TEX2: variants seen among roughly 807,000 people sequenced by gnomAD.
TEX2 encodes the protein testis expressed 2, also known as testis-expressed protein 2.
In TEX2, 53 loss-of-function variants were observed where a neutral mutation model predicts 106.9. The observed-to-expected ratio is 0.50, with a 90% CI of 0.40 to 0.62. The LOEUF is 0.62. Among genes scored for constraint, TEX2 ranks in the 20% least tolerant of loss-of-function variants. The pLI, the probability that TEX2 is intolerant of heterozygous loss-of-function variation, is 0.00. For synonymous variants in TEX2, 523 were observed against 534.8 expected (o/e 0.98, Z 0.30); for missense variants, 1,207 against 1,379.0 (o/e 0.88, Z 1.98).
intron 1 of TEX2, 129 bp from the exon 2 acceptor site, chr17:64,214,371 C>G: frequency 1.3e-6 from 1 of 744,104 alleles, no homozygotes; most frequent in Non-Finnish European, 2.2e-6. Context: ...AGATGTCCAC[C>G]GTTTTTCACT....
chr17:64,250,949 C>T (rs1555636921), intron 1 of TEX2, among the ~76,000 whole-genome samples: 1 of 152,210 alleles, frequency 6.6e-6, no homozygotes, highest in African/African-American at 2.4e-5. Context: ...GCCTCAGCCT[C>T]CCAAAGTGCT....
Position 64,148,955 on chromosome 17 carries a change from T to A in TEX2, c.*14A>T, listed in dbSNP as rs903010306. ...GCTCGATGTCACAATATGGGGAACA[T>A]CTGACATCACCCATCATGGCTGATC... On this transcript the variant is annotated 3_prime_UTR_variant, in exon 12 of 12. Transcript: ENST00000584379. The A allele has an allele frequency of 7.4e-6, 12 of 1,613,838 alleles. No homozygotes were observed. The highest frequency in any genetic ancestry group is 8.5e-6 in the Non-Finnish European group (10 of 1,179,930).
chr17:64,174,453 C>G (rs943029951), intron 6 of TEX2, among the ~76,000 whole-genome samples: 4 of 152,124 alleles, frequency 2.6e-5, no homozygotes, highest in Non-Finnish European at 5.9e-5. Flanking sequence ...AACCCGAAGA[C>G]CCCAGAACAT....
intron 5 of TEX2, among the ~76,000 whole-genome samples, chr17:64,184,917 G>A (rs1275531324): frequency 6.6e-6 from 1 of 152,098 alleles, no homozygotes; most frequent in Non-Finnish European, 1.5e-5. Flanking sequence ...TGGATATATA[G>A]CTTCATTTTT....
intron 7 of TEX2, among the ~76,000 whole-genome samples, chr17:64,168,999 G>A (rs551065142): frequency 1.4e-5 from 2 of 147,846 alleles, no homozygotes; most frequent in South Asian, 2.1e-4. Flanking sequence ...GCTAGGGCCC[G>A]AGGTTACATC....
intron 1 of TEX2, among the ~76,000 whole-genome samples, chr17:64,228,782 T>A (rs575427785): frequency 3.2e-4 from 49 of 152,218 alleles, no homozygotes; most frequent in Non-Finnish European, 5.4e-4. Context: ...AGGCATTTTG[T>A]GTGCATACAA....
In TEX2 at chr17:64,149,014, G is replaced by A; in HGVS notation, c.3339C>T (p.Ser1113=). ...MHSAMDPRST[S]CLLKDPPVEA... ...CCACAGGTGGGTCTTTCAGGAGGCA[G>A]GAAGTAGAGCGAGGGTCCATGGCTG... The change falls in exon 12 of 12, where the codon TCC becomes TCT. Residue 1113 remains serine, a synonymous_variant. Coordinates refer to ENST00000584379, the MANE Select transcript of TEX2 (RefSeq NM_001288732.2). 1.2e-6 allele frequency: 2 copies of A among 1,614,250 alleles called. No individual in the cohort carries two copies. Among genetic ancestry groups the A allele is most frequent in the Non-Finnish European group, 1.7e-6 (2 of 1,180,038 alleles).
At chr17:64,160,727 T>A (rs913849844) in intron 8 of TEX2, 74 bp downstream of exon 8, 1 of 1,570,226 alleles carries the variant, frequency 6.4e-7, no homozygotes, top group African/African-American at 1.4e-5. Context: ...ACACATCAAA[T>A]CTGCTTCTCA....
intron 1 of TEX2, among the ~76,000 whole-genome samples, chr17:64,228,422 T>C (rs782561725): frequency 1.3e-5 from 2 of 152,162 alleles, no homozygotes; most frequent in Non-Finnish European, 1.5e-5. Flanking sequence ...CCTGAGCTTG[T>C]TTTCCTGCAA....
intron 2 of TEX2, among the ~76,000 whole-genome samples, chr17:64,211,513 TAAC>T (rs544152660): frequency 4.4e-4 from 67 of 152,120 alleles, no homozygotes; most frequent in African/African-American, 1.3e-3. Context: ...AAAAAAATAA[TAAC>T]AATCCAACAG....
At chr17:64,235,049 T>A (rs1457421531) in intron 1 of TEX2, among the ~76,000 whole-genome samples, 1 of 152,232 alleles carries the variant, frequency 6.6e-6, no homozygotes, top group East Asian at 1.9e-4. Context: ...AGTCCTGATC[T>A]GTGAAGATGT....
chr17:64,220,832 C>T (rs2033339135), intron 1 of TEX2, among the ~76,000 whole-genome samples: 1 of 152,072 alleles, frequency 6.6e-6, no homozygotes, highest in Admixed American at 6.6e-5. Context: ...ACCAGTTGAC[C>T]CAGCAATGCC....
intron 3 of TEX2, 30 bp from the exon 4 acceptor site, chr17:64,193,919 T>C (rs1452778661): frequency 3.4e-6 from 5 of 1,465,682 alleles, no homozygotes; most frequent in African/African-American, 2.8e-5. Context: ...ATGATTTATA[T>C]ATTAAAGATT....
rs540170409 is a variant in TEX2 at position 64,189,219 on chromosome 17, C to A, written c.2177-804G>T. 5.9e-5 allele frequency among the ~76,000 whole-genome samples: 9 copies of A among 152,342 alleles called. No individual in the cohort carries two copies. The South Asian group carries it at 1.9e-3, about 32-fold the overall frequency. ...CTCACGCACCTAAGCAGATAAATCACAATCTTCTGTAACAAGTGTCAAAAT... is the reference window on the plus strand; with the variant it reads ...CTCACGCACCTAAGCAGATAAATCAAAATCTTCTGTAACAAGTGTCAAAAT... On this transcript the variant is annotated intron_variant, in intron 4 of 11. Coordinates refer to ENST00000584379, the MANE Select transcript of TEX2 (RefSeq NM_001288732.2).
chr17:64,219,236 T>C (rs1555632980), intron 1 of TEX2, among the ~76,000 whole-genome samples: 7 of 152,132 alleles, frequency 4.6e-5, no homozygotes, highest in Non-Finnish European at 8.8e-5. Context: ...CCAGGCACAG[T>C]GGCTCACGCC....
At chr17:64,251,922 G>A (rs928817693) in intron 1 of TEX2, among the ~76,000 whole-genome samples, 1 of 152,216 alleles carries the variant, frequency 6.6e-6, no homozygotes, top group Non-Finnish European at 1.5e-5. Context: ...TGATGGCAGT[G>A]AGGGAGGTCA....
intron 1 of TEX2, among the ~76,000 whole-genome samples, chr17:64,236,288 T>C (rs1398137406): frequency 6.6e-6 from 1 of 152,210 alleles, no homozygotes; most frequent in Non-Finnish European, 1.5e-5. Flanking sequence ...AAAGTATATA[T>C]GAGGGCTGGG....
chr17:64,185,439 C>T lies in TEX2; in HGVS notation c.2424+2729G>A, dbSNP rs570184300. On this transcript the variant is annotated intron_variant, in intron 5 of 11. Coordinates refer to ENST00000584379, the MANE Select transcript of TEX2 (RefSeq NM_001288732.2). The surrounding 1 kb of genome is among the most constrained non-coding windows in gnomAD (Gnocchi z 4.0). ...CCATGCTGGAAGTGGTACCATTGCA[C>T]TTTCAGACATTTTTTAAAAAAGAGT... Among the ~76,000 whole-genome samples, 33 of 152,256 alleles carry T rather than the reference C, an allele frequency of 2.2e-4. No homozygotes were observed. Among genetic ancestry groups the T allele is most frequent in the African/African-American group, 7.7e-4 (32 of 41,548 alleles).
At chr17:64,250,855 T>G (rs2034076480) in intron 1 of TEX2, among the ~76,000 whole-genome samples, 1 of 151,974 alleles carries the variant, frequency 6.6e-6, no homozygotes, top group African/African-American at 2.4e-5. Context: ...CTAATTTTTG[T>G]TTTTGTTTTT....
Sources: allele counts gnomAD v4.1 joint callset (sites outside exome capture counted in the v4.1 genomes callset), GRCh38; gene constraint gnomAD v4.1.1; non-coding constraint Gnocchi (gnomAD v3.1); transcripts MANE v1.5; gene names NCBI Gene and HGNC (gene_info 2026-07-23, HGNC 2026-07-21).